The following FGF13 variants were observed in gnomAD, a reference collection of about 807,000 sequenced individuals.
FGF13 encodes fibroblast growth factor homologous factor 2.
FGF13 carries 2 observed loss-of-function variants against 19.5 expected under a neutral mutation model. The ratio of observed to expected loss-of-function variants is 0.10; its 90% CI spans 0.04 to 0.32. The LOEUF is 0.32. FGF13 is among the 10% of genes least tolerant of loss of function. The pLI, the probability that FGF13 is intolerant of heterozygous loss-of-function variation, is 1.00. For synonymous variants in FGF13, 72 were observed against 76.9 expected (o/e 0.94, Z 0.33); for missense variants, 113 against 192.7 (o/e 0.59, Z 2.45).
intron 1 of FGF13, among the ~76,000 whole-genome samples, chrX:139,008,477 G>T (rs1197680718): frequency 8.9e-6 from 1 of 112,288 alleles, no homozygotes; most frequent in Non-Finnish European, 1.9e-5. Flanking sequence ...ACCGGAGCAG[G>T]TGCTGTTATC....
intron 1 of FGF13, among the ~76,000 whole-genome samples, chrX:139,163,455 T>C (rs1228047564): frequency 9.0e-6 from 1 of 110,889 alleles, no homozygotes; most frequent in Non-Finnish European, 1.9e-5. Context: ...GACAGGTTGA[T>C]GGGTGCAGCA....
At chrX:139,160,074 G>A (rs964490622) in intron 1 of FGF13, among the ~76,000 whole-genome samples, 1 of 111,404 alleles carries the variant, frequency 9.0e-6, no homozygotes, top group Admixed American at 9.6e-5. Context: ...TTCTAAAATC[G>A]ACCACATAAT....
chrX:138,772,205 G>A (rs767899385), intron 3 of FGF13, among the ~76,000 whole-genome samples: 20 of 108,143 alleles, frequency 1.8e-4, no homozygotes, highest in African/African-American at 5.0e-4. Context: ...AGAATTAAAC[G>A]TGATAATGCA....
rs1362444723 is a variant in FGF13, at chrX:138,770,497, C to G, written c.218-61569G>C. On this transcript the variant is annotated intron_variant, in intron 3 of 6. Coordinates refer to the FGF13 transcript ENST00000436198. Reference sequence around the variant, plus strand: ...ACCCCATTCTTTCATTTACATCCTGCTTAAGTTCCAACCCCTCTGAGAATC... The same window carrying G: ...ACCCCATTCTTTCATTTACATCCTGGTTAAGTTCCAACCCCTCTGAGAATC... 2.7e-5 allele frequency among the ~76,000 whole-genome samples: 3 copies of G among 111,219 alleles called. No homozygotes were observed. The East Asian group carries it at 8.5e-4, about 32-fold the overall frequency.
chrX:139,084,695 G>C (rs1224513585), intron 1 of FGF13, among the ~76,000 whole-genome samples: 1 of 111,784 alleles, frequency 8.9e-6, no homozygotes, highest in Non-Finnish European at 1.9e-5. Flanking sequence ...GAAAAACATT[G>C]GTCCTGGGGG....
chrX:139,040,169 T>C (rs1294058692), intron 1 of FGF13, among the ~76,000 whole-genome samples: 1 of 112,105 alleles, frequency 8.9e-6, no homozygotes, highest in African/African-American at 3.2e-5. Context: ...GTAAGTACTA[T>C]CATTAGTCTG....
At chrX:139,143,434 A>G (rs996120283) in intron 1 of FGF13, among the ~76,000 whole-genome samples, 6 of 112,548 alleles carry the variant, frequency 5.3e-5, no homozygotes, top group African/African-American at 1.9e-4. Flanking sequence ...TTAAATGTTA[A>G]CAAATATATA....
rs764312506 is a variant in FGF13 at position 138,619,181 on chromosome X, C to T, written c.*13669G>A. 12 of 111,312 alleles carry T rather than the reference C, an allele frequency of 1.1e-4. No homozygotes were observed. The South Asian group carries it at 4.5e-3, about 42-fold the overall frequency. The allele number at this position is 111,312 out of a possible 1,213,427, so 9.2% of individuals were successfully genotyped here. A position where few individuals can be genotyped will look rare whatever the true frequency, so the allele number is the denominator to read the frequency against. ...TACATGAGAACACAGACAAAGAAGT[C>T]AGTAGAATCAGGAAAACAATGTATG... On this transcript the variant is annotated 3_prime_UTR_variant, in exon 5 of 5. Coordinates refer to ENST00000315930, the MANE Select transcript of FGF13 (RefSeq NM_004114.5).
chrX:138,878,726 C>T (rs1237118882), intron 1 of FGF13, among the ~76,000 whole-genome samples: 22 of 111,040 alleles, frequency 2.0e-4, no homozygotes, highest in Admixed American at 2.9e-4. Context: ...GGAATCGCCA[C>T]GCTGACTTCA....
downstream of FGF13, among the ~76,000 whole-genome samples, chrX:138,854,045 C>T (rs1306032143): frequency 9.0e-6 from 1 of 111,473 alleles, no homozygotes; most frequent in African/African-American, 3.3e-5. Flanking sequence ...AGCTATGAAG[C>T]TTATACTTTC....
chrX:139,175,590 T>C (rs892597458), intron 1 of FGF13, among the ~76,000 whole-genome samples: 12 of 111,942 alleles, frequency 1.1e-4, no homozygotes, highest in African/African-American at 3.6e-4. Context: ...ACCTAGTTTA[T>C]AGAGAGTTTT....
chrX:138,711,199 G>A lies in FGF13; in HGVS notation c.-196C>T. ...AGCATGCCGTCCGAGCTCCTCCGGC[G>A]GCGGTCCGGCTCCCGCGCGGGCTGC... On this transcript the variant is annotated 5_prime_UTR_variant, in exon 1 of 5. Transcript: ENST00000315930. 3 of 1,060,838 alleles carry A rather than the reference G, an allele frequency of 2.8e-6. No individual in the cohort carries two copies. Among genetic ancestry groups the A allele is most frequent in the Non-Finnish European group, 2.4e-6 (2 of 827,299 alleles). 87.4% of individuals were successfully genotyped at this position (1,060,838 alleles called of 1,213,427 possible).
At chrX:139,048,417 T>A (rs2092294435) in intron 1 of FGF13, among the ~76,000 whole-genome samples, 2 of 111,149 alleles carry the variant, frequency 1.8e-5, no homozygotes, top group South Asian at 7.5e-4. Context: ...TTCCTAAGAT[T>A]CCCTTAACAA....
chrX:138,818,499 G>GACAC (rs371760908), intron 3 of FGF13, among the ~76,000 whole-genome samples: 9,090 of 84,658 alleles, frequency 0.11, 479 homozygotes, highest in East Asian at 0.23. Context: ...TATATGCACA[G>GACAC]ACACACACAC....
At chrX:139,068,693 G>C (rs1158604001) in intron 1 of FGF13, among the ~76,000 whole-genome samples, 1 of 107,862 alleles carries the variant, frequency 9.3e-6, no homozygotes, top group Non-Finnish European at 1.9e-5. Context: ...CCTTGAAGAG[G>C]TCCTTCACAT....
intron 1 of FGF13, among the ~76,000 whole-genome samples, chrX:138,940,993 C>T (rs1427378736): frequency 9.0e-6 from 1 of 111,316 alleles, no homozygotes; most frequent in Non-Finnish European, 1.9e-5. Context: ...GCAGAGAAGG[C>T]CTTCAATAAA....
In FGF13 at chrX:138,708,831, C is replaced by CTCA; in HGVS notation, c.282_284dup (p.Asp94dup). 2.5e-6 allele frequency: 3 copies of CTCA among 1,200,726 alleles called. No homozygotes were observed. The highest frequency in any genetic ancestry group is 3.4e-6 in the Non-Finnish European group (3 of 885,684). On this transcript the variant is annotated inframe_insertion, in exon 2 of 5. Transcript: ENST00000315930. Reference sequence around the variant, plus strand: ...GCAGTCACTTACTGTAAGTGCTGTCCTCATCTTTGGTGCCATCAATGGTTC... The same window carrying CTCA: ...GCAGTCACTTACTGTAAGTGCTGTCCTCATCATCTTTGGTGCCATCAATGGTTC...
In FGF13 at chrX:138,939,526, T is replaced by C. The variant is rs191058370; in HGVS notation, c.-112-74876A>G. Among the ~76,000 whole-genome samples the C allele has an allele frequency of 5.9e-3, 659 of 111,447 alleles. 4 individuals are homozygous for C. The highest frequency in any genetic ancestry group is 7.4e-3 in the Non-Finnish European group (392 of 53,027). ...ACAAATTATTTAGTCATCCAGGTAA[T>C]AAGCAAGTACCTGATAGGTATTTTT... On this transcript the variant is annotated intron_variant, in intron 1 of 2. Coordinates refer to the FGF13 transcript ENST00000421460.
intron 3 of FGF13, among the ~76,000 whole-genome samples, chrX:138,646,615 T>C (rs150888248): frequency 1.4e-3 from 159 of 112,024 alleles, no homozygotes; most frequent in Middle Eastern, 9.2e-3. Context: ...AAAAGTTCAC[T>C]CTTCTACTGC....
Sources: allele counts gnomAD v4.1 joint callset (sites outside exome capture counted in the v4.1 genomes callset), GRCh38; gene constraint gnomAD v4.1.1; transcripts MANE v1.5; gene names NCBI Gene and HGNC (gene_info 2026-07-23, HGNC 2026-07-21).